The following HIP1 variants were observed in gnomAD, a reference collection of about 807,000 sequenced individuals.
HIP1 encodes the protein huntingtin interacting protein 1.
A neutral mutation model predicts 147.6 loss-of-function variants in HIP1; 65 were observed. The ratio of observed to expected loss-of-function variants is 0.44; its 90% confidence interval spans 0.36 to 0.54. The LOEUF (loss-of-function observed/expected upper bound fraction) is 0.54. Among genes scored for constraint, HIP1 ranks in the 20% least tolerant of loss-of-function variants. HIP1 has a pLI of 0.00. For missense variants in HIP1, 1,061 were observed against 1,299.6 expected (o/e 0.82, Z 2.82); for synonymous variants, 479 against 504.0 (o/e 0.95, Z 0.67).
intron 9 of HIP1, among the ~76,000 whole-genome samples, chr7:75,565,666 C>G (rs188250299): frequency 6.6e-6 from 1 of 152,030 alleles, no homozygotes; most frequent in Admixed American, 6.6e-5. Flanking sequence ...TTCTCAGCCC[C>G]CTCTGTCCTC....
intron 1 of HIP1, among the ~76,000 whole-genome samples, chr7:75,691,998 C>A (rs1293198214): frequency 6.6e-6 from 1 of 151,990 alleles, no homozygotes; most frequent in African/African-American, 2.4e-5. Context: ...CTGTGGAAGT[C>A]CTGAATGGTG....
chr7:75,614,213 C>A (rs988879931), intron 1 of HIP1, among the ~76,000 whole-genome samples: 1 of 152,176 alleles, frequency 6.6e-6, no homozygotes, highest in Non-Finnish European at 1.5e-5. Flanking sequence ...CCACACCCAG[C>A]TAATTTTTGT....
intron 1 of HIP1, among the ~76,000 whole-genome samples, chr7:75,623,783 G>A (rs1797939016): frequency 6.6e-6 from 1 of 152,056 alleles, no homozygotes. Flanking sequence ...TAAAGTGTTT[G>A]AGGCTGGGCA....
At chr7:75,557,179 C>T (rs4730770) in intron 16 of HIP1, among the ~76,000 whole-genome samples, 14,137 of 151,948 alleles carry the variant, frequency 0.093, 675 homozygotes, top group South Asian at 0.12. Flanking sequence ...GCTGGGACTA[C>T]GGGCACACGC....
chr7:75,661,402 G>A (rs952093433), intron 1 of HIP1, among the ~76,000 whole-genome samples: 7 of 150,760 alleles, frequency 4.6e-5, no homozygotes, highest in South Asian at 2.1e-4. Flanking sequence ...GTGAAACCCC[G>A]TCTCTACTAA....
intron 1 of HIP1, among the ~76,000 whole-genome samples, chr7:75,737,915 T>C (rs1802077737): frequency 6.6e-6 from 1 of 152,198 alleles, no homozygotes. Context: ...AAATGGATTT[T>C]ACATACAAAT....
chr7:75,684,563 C>A (rs1186133188), intron 1 of HIP1, among the ~76,000 whole-genome samples: 2 of 151,700 alleles, frequency 1.3e-5, no homozygotes, highest in South Asian at 2.1e-4. Context: ...CTTTTTTGGG[C>A]CCAGTATTCA....
intron 1 of HIP1, among the ~76,000 whole-genome samples, chr7:75,652,421 T>C (rs1274774153): frequency 1.3e-5 from 2 of 152,234 alleles, no homozygotes; most frequent in African/African-American, 4.8e-5. Flanking sequence ...TGGAGTGCAG[T>C]GGTGCGATTA....
chr7:75,578,522 A>T (rs1372491587), intron 7 of HIP1, among the ~76,000 whole-genome samples: 1 of 152,064 alleles, frequency 6.6e-6, no homozygotes, highest in African/African-American at 2.4e-5. Flanking sequence ...AAAAAAGTAC[A>T]CAAAAATTAG....
intron 1 of HIP1, among the ~76,000 whole-genome samples, chr7:75,693,684 G>A (rs1345104208): frequency 6.6e-6 from 1 of 151,552 alleles, no homozygotes; most frequent in Non-Finnish European, 1.5e-5. Flanking sequence ...AGACCAGCCT[G>A]GGCAACGTGG....
Position 75,599,984 on chromosome 7 carries a change from C to T in HIP1, c.121-737G>A, listed in dbSNP as rs11971301. Among the ~76,000 whole-genome samples, 656 of 151,490 alleles carry T rather than the reference C, an allele frequency of 4.3e-3. 7 individuals carry two copies. The highest frequency in any genetic ancestry group is 0.015 in the African/African-American group (621 of 41,266). The stretch of plus-strand genomic sequence containing the variant: ...CCGAGTAGCTGGGCCTACAGGCACC[C>T]GCCATCAAACCCGGCTAATTTTTGT... On this transcript the variant is annotated intron_variant, in intron 1 of 30. Transcript: ENST00000336926.
chr7:75,688,975 G>A (rs555370171), intron 1 of HIP1, among the ~76,000 whole-genome samples: 2 of 152,280 alleles, frequency 1.3e-5, no homozygotes, highest in African/African-American at 2.4e-5. Context: ...TGGGCAGCCT[G>A]CCGGCAGCCA....
At chr7:75,584,733 C>G (rs1328710923) in intron 5 of HIP1, among the ~76,000 whole-genome samples, 1 of 152,136 alleles carries the variant, frequency 6.6e-6, no homozygotes, top group African/African-American at 2.4e-5. Context: ...GCTCCCATCC[C>G]AGTCCTCTTC....
intron 1 of HIP1, among the ~76,000 whole-genome samples, chr7:75,728,256 T>TGCAGA (rs1801716377): frequency 6.6e-6 from 1 of 152,138 alleles, no homozygotes; most frequent in Non-Finnish European, 1.5e-5. Context: ...AAGATGCCAT[T>TGCAGA]CTCTCTTCCT....
At chr7:75,708,930 G>A (rs782074322) in intron 1 of HIP1, among the ~76,000 whole-genome samples, 11 of 151,986 alleles carry the variant, frequency 7.2e-5, no homozygotes, top group Non-Finnish European at 1.2e-4. Context: ...CAATAAATCT[G>A]TAGATTGTTG....
At chr7:75,724,437 A>G (rs1584981385) in intron 1 of HIP1, among the ~76,000 whole-genome samples, 1 of 150,354 alleles carries the variant, frequency 6.7e-6, no homozygotes, top group South Asian at 2.1e-4. Flanking sequence ...TAGTAGAGAC[A>G]GAGTTTTGCC....
At chr7:75,715,568 T>C (rs1414248042) in intron 1 of HIP1, among the ~76,000 whole-genome samples, 1 of 150,642 alleles carries the variant, frequency 6.6e-6, no homozygotes, top group East Asian at 2.0e-4. Context: ...GGTCAGGAGT[T>C]CGAGACCAGC....
intron 1 of HIP1, among the ~76,000 whole-genome samples, chr7:75,663,312 G>A (rs1264520438): frequency 1.6e-4 from 25 of 152,064 alleles, no homozygotes; most frequent in Admixed American, 1.6e-3. Flanking sequence ...CAAATATAAT[G>A]TCCAGACCAG....
chr7:75,640,757 AT>A (rs879974877), intron 1 of HIP1, among the ~76,000 whole-genome samples: 3,521 of 65,472 alleles, frequency 0.054, 88 homozygotes, highest in African/African-American at 0.12. Flanking sequence ...CATCTCAATA[AT>A]AATAATAATA....
Sources: gnomAD v4.1 joint callset for allele counts (sites outside exome capture counted in the v4.1 genomes callset) on GRCh38, gnomAD v4.1.1 for gene constraint, MANE v1.5 for transcripts, NCBI Gene and HGNC (gene_info 2026-07-23, HGNC 2026-07-21) for gene names.